Variants in CUBN observed in about 807,000 individuals in gnomAD.
CUBN encodes cubilin.
In CUBN, 282 loss-of-function variants were observed where a neutral mutation model predicts 405.3. That is an observed-to-expected ratio of 0.70 (90% CI 0.63 to 0.77). The LOEUF (loss-of-function observed/expected upper bound fraction) is 0.77, where lower values mean the gene tolerates loss of function less well. CUBN is among the 30% of genes least tolerant of loss of function. The pLI, the probability that CUBN is intolerant of heterozygous loss-of-function variation, is 0.00. For synonymous variants in CUBN, 1,684 were observed against 1,617.0 expected, an observed-to-expected ratio of 1.04 and a Z score of -0.99; for missense variants, 4,514 against 4,475.2, an observed-to-expected ratio of 1.01 and a Z score of -0.25.
At chr10:16,868,465 G>A (rs1840251304) in intron 59 of CUBN, among the ~76,000 whole-genome samples, 1 of 152,186 alleles carries the variant, frequency 6.6e-6, no homozygotes, top group African/African-American at 2.4e-5. Flanking sequence ...CACAGAGTAT[G>A]AGATTTGTTT....
chr10:16,861,323 A>G (rs1840007186), intron 59 of CUBN, among the ~76,000 whole-genome samples: 1 of 151,978 alleles, frequency 6.6e-6, no homozygotes, highest in Non-Finnish European at 1.5e-5. Flanking sequence ...CACCAAGCCT[A>G]GCTAATTTTT....
rs549515932 is a variant in CUBN at position 16,861,501 on chromosome 10, T to G, written c.9454+8135A>C. ...TATCCTTCCAAAATAATACTATTTA[T>G]AGCTAAAAATTCTCGCATGTGAAAT... On this transcript the variant is annotated intron_variant, in intron 59 of 66. Coordinates refer to ENST00000377833, the MANE Select transcript of CUBN (RefSeq NM_001081.4). Among the ~76,000 whole-genome samples, 60 of 152,288 alleles carry G rather than the reference T, an allele frequency of 3.9e-4. No individual in the cohort carries two copies. The South Asian group carries it at 4.4e-3, about 11-fold the overall frequency.
At chr10:16,927,141 A>G (rs1162852845) in intron 41 of CUBN, among the ~76,000 whole-genome samples, 1 of 151,992 alleles carries the variant, frequency 6.6e-6, no homozygotes, top group East Asian at 1.9e-4. Flanking sequence ...ATTAATTCCA[A>G]TGGTTCCACC....
chr10:17,071,059 T>A (rs1452382060), intron 19 of CUBN, among the ~76,000 whole-genome samples: 2 of 152,208 alleles, frequency 1.3e-5, no homozygotes, highest in African/African-American at 4.8e-5. Context: ...TTGTTGAGTG[T>A]TTCATCATGA....
chr10:16,868,145 T>C (rs978951311), intron 59 of CUBN, among the ~76,000 whole-genome samples: 1 of 152,178 alleles, frequency 6.6e-6, no homozygotes, highest in African/African-American at 2.4e-5. Flanking sequence ...GGCAACACTC[T>C]CTCACTGCCC....
rs922407893 is a variant in CUBN at position 17,045,296 on chromosome 10, G to T, written c.3491-108C>A. ...ATTCTACTATCCTTTAAATCAAATT[G>T]CACAGCAAAATGGCATCATGAAAGA... is the stretch of plus-strand genomic sequence containing the variant. On this transcript the variant is annotated intron_variant, in intron 24 of 66. Coordinates refer to ENST00000377833, the MANE Select transcript of CUBN (RefSeq NM_001081.4). The T allele has an allele frequency of 1.1e-5, 12 of 1,060,872 alleles. No individual in the cohort carries two copies. In the African/African-American group the frequency reaches 1.7e-4, roughly 15 times the overall value. 65.7% of individuals were successfully genotyped at this position (1,060,872 alleles called of 1,614,324 possible).
intron 59 of CUBN, among the ~76,000 whole-genome samples, chr10:16,868,966 A>C (rs1469298064): frequency 6.6e-6 from 1 of 152,144 alleles, no homozygotes; most frequent in Non-Finnish European, 1.5e-5. Flanking sequence ...TGTCCTCATT[A>C]AAATATCATC....
intron 66 of CUBN, among the ~76,000 whole-genome samples, chr10:16,827,231 G>A (rs1838810311): frequency 6.6e-6 from 1 of 152,048 alleles, no homozygotes; most frequent in Admixed American, 6.5e-5. Context: ...CTCGTGCAAC[G>A]GAATACTCTC....
chr10:16,938,851 G>T, intron 38 of CUBN, 112 bp downstream of exon 38: 1 of 925,536 alleles, frequency 1.1e-6, no homozygotes, highest in Non-Finnish European at 1.7e-6. Context: ...ATGATTTAGA[G>T]CAGACTATCC....
Position 17,122,824 on chromosome 10 carries a change from G to A in CUBN, c.564C>T (p.Gly188=), listed in dbSNP as rs756698791. Residue 188 remains glycine (G), a synonymous_variant, in exon 6 of 67, where the codon GGC becomes GGT. Coordinates refer to ENST00000377833, the MANE Select transcript of CUBN (RefSeq NM_001081.4). ...AACTTCCCATTGTATTAACACATGT[G>A]CCTCCATTCTGGCAGCTCAAGGGTG... ...SGTPLSCQNG[G]TCVNTMGSYS... is the part of the protein sequence containing the mutation. 6 of 1,610,864 alleles carry A rather than the reference G, an allele frequency of 3.7e-6. No individual in the cohort carries two copies. In the East Asian group the frequency reaches 8.9e-5, roughly 24 times the overall value.
At chr10:16,937,570 C>A (rs2131602300) in intron 39 of CUBN, 22 bp downstream of exon 39, 2 of 1,609,822 alleles carry the variant, frequency 1.2e-6, no homozygotes, top group Non-Finnish European at 1.7e-6. Context: ...CTAAAAAGAA[C>A]TTCATTTATT....
Position 16,918,659 on chromosome 10 carries a change from G to A in CUBN, c.6963C>T (p.Ser2321=), listed in dbSNP as rs752388522. 1.2e-6 allele frequency: 2 copies of A among 1,613,836 alleles called. No homozygotes were observed. The highest frequency in any genetic ancestry group is 1.7e-6 in the Non-Finnish European group (2 of 1,179,846). Residue 2321 remains serine, a synonymous_variant, in exon 45 of 67, where the codon AGC becomes AGT. Transcript: ENST00000377833. ...VMYLRFRSDN[S]PTHVGFKAKY... is the part of the protein sequence containing the mutation. ...TGGCCTTGAATCCCACATGTGTGGG[G>A]CTGTTGTCAGATCGAAATCTCAAAT...
At chr10:17,087,460 A>ATTTTTTTTTTTTTT (rs1564510318) in intron 15 of CUBN, among the ~76,000 whole-genome samples, 6 of 99,122 alleles carry the variant, frequency 6.1e-5, no homozygotes, top group Non-Finnish European at 1.2e-4. Context: ...AATCACTATT[A>ATTTTTTTTTTTTTT]TTTTTCTTTT....
intron 60 of CUBN, among the ~76,000 whole-genome samples, chr10:16,844,856 A>ATAAACTGG (rs1839468721): frequency 6.6e-6 from 1 of 152,090 alleles, no homozygotes; most frequent in East Asian, 1.9e-4. Flanking sequence ...GGAATCATAT[A>ATAAACTGG]TAAACTGGGA....
rs561719002 is a variant in CUBN at position 16,899,111 on chromosome 10, T to C, written c.8483A>G (p.Asn2828Ser). 6.2e-7 allele frequency: 1 copy of C among 1,613,950 alleles called. No individual in the cohort carries two copies. The highest frequency in any genetic ancestry group is 1.1e-5 in the South Asian group (1 of 91,074). The change falls in exon 54 of 67, where the codon AAC (asparagine) becomes AGC (serine). Residue 2828 changes from asparagine to serine, a missense_variant. Physicochemically the swap from Asn to Ser is conservative, Grantham distance 46. This residue lies in a region of CUBN where 1,186 missense variants were observed against 1,186.9 expected (regional missense o/e 1.00). Transcript: ENST00000377833. Reference protein sequence around the residue: ...SPHWPQNFPENSRCSWTAITH... With the variant: ...SPHWPQNFPESSRCSWTAITH... ...AATGGCCGTCCAGGAACATCTGCTG[T>C]TTTCGGGAAAATTCTGAGGCCAGTG...
chr10:16,927,886 GC>G (rs1197013367), intron 41 of CUBN, among the ~76,000 whole-genome samples: 2 of 152,180 alleles, frequency 1.3e-5, no homozygotes, highest in African/African-American at 4.8e-5. Flanking sequence ...TCTCTCTCAT[GC>G]ATTCCCTGGA....
Position 16,954,565 on chromosome 10 carries a change from A to G in CUBN, c.4696-17T>C. 1 of 1,612,596 alleles carries G rather than the reference A, an allele frequency of 6.2e-7. No individual in the cohort carries two copies. Among genetic ancestry groups the G allele is most frequent in the Non-Finnish European group, 8.5e-7 (1 of 1,179,804 alleles). The stretch of plus-strand genomic sequence containing the variant: ...ATCGTATGCCTACAAGAAAGGAGAC[A>G]GGGCAAACAGTGGTTCAGATTCACA... On this transcript the variant is annotated splice_polypyrimidine_tract_variant and intron_variant, in intron 31 of 66. Coordinates refer to ENST00000377833, the MANE Select transcript of CUBN (RefSeq NM_001081.4).
intron 28 of CUBN, among the ~76,000 whole-genome samples, chr10:17,005,480 A>C (rs1833991670): frequency 6.6e-6 from 1 of 152,234 alleles, no homozygotes; most frequent in African/African-American, 2.4e-5. Flanking sequence ...TGTGTGGTCT[A>C]GCTGAAGGAC....
At chr10:16,959,313 T>C (rs1398126875) in intron 31 of CUBN, among the ~76,000 whole-genome samples, 1 of 152,204 alleles carries the variant, frequency 6.6e-6, no homozygotes, top group Non-Finnish European at 1.5e-5. Context: ...CATTTGAGTG[T>C]TTTTAACACT....
Sources: allele counts gnomAD v4.1 joint callset (sites outside exome capture counted in the v4.1 genomes callset), GRCh38; gene constraint gnomAD v4.1.1; regional missense constraint gnomAD v4.1.1; transcripts MANE v1.5; gene names NCBI Gene and HGNC (gene_info 2026-07-23, HGNC 2026-07-21).